The following EYS variants were observed in gnomAD, a reference collection of about 807,000 sequenced individuals.
The protein encoded by EYS is protein eyes shut homolog.
In EYS, 250 loss-of-function variants were observed where a neutral mutation model predicts 282.1. The ratio of observed to expected loss-of-function variants is 0.89; its 90% CI spans 0.80 to 0.98. The LOEUF (loss-of-function observed/expected upper bound fraction) is 0.98, where lower values mean the gene tolerates loss of function less well. Among genes scored for constraint, EYS ranks in the 50% least tolerant of loss-of-function variants. The pLI, the probability that EYS is intolerant of heterozygous loss-of-function variation, is 0.00. For missense variants in EYS, 4,016 were observed against 3,709.0 expected (o/e 1.08, Z -2.15); for synonymous variants, 1,355 against 1,282.9 (o/e 1.06, Z -1.20).
intron 15 of EYS, among the ~76,000 whole-genome samples, chr6:64,915,393 C>A (rs1768127887): frequency 6.6e-6 from 1 of 152,060 alleles, no homozygotes. Flanking sequence ...GTTGACAATA[C>A]TATAAGAATT....
intron 12 of EYS, among the ~76,000 whole-genome samples, chr6:65,181,759 G>A (rs936649561): frequency 1.1e-4 from 16 of 152,028 alleles, no homozygotes; most frequent in African/African-American, 2.9e-4. Context: ...ACATGCACAC[G>A]TATGTTTATT....
intron 35 of EYS, among the ~76,000 whole-genome samples, chr6:63,885,350 T>C (rs569408372): frequency 5.1e-4 from 77 of 152,302 alleles, no homozygotes; most frequent in African/African-American, 1.8e-3. Flanking sequence ...TTTTGGTGTT[T>C]GCTTCATTTT....
At chr6:64,600,972 T>C (rs1043192448) in intron 24 of EYS, among the ~76,000 whole-genome samples, 5 of 152,120 alleles carry the variant, frequency 3.3e-5, no homozygotes, top group African/African-American at 9.7e-5. Context: ...AGAAATCCTA[T>C]TGTGCTGTTA....
intron 12 of EYS, among the ~76,000 whole-genome samples, chr6:65,091,271 T>TAAAAA (rs397887871): frequency 7.1e-5 from 4 of 56,438 alleles, no homozygotes; most frequent in East Asian, 6.1e-4. Context: ...CCATCTCCCC[T>TAAAAA]AAAAAAAAAA....
At chr6:64,125,916 CT>C (rs111945672) in intron 31 of EYS, among the ~76,000 whole-genome samples, 10,357 of 140,502 alleles carry the variant, frequency 0.074, 640 homozygotes, top group African/African-American at 0.18. Context: ...CTATTCTCTT[CT>C]TTTTTTTTTT....
chr6:65,271,975 T>C (rs1379317397), intron 12 of EYS, among the ~76,000 whole-genome samples: 1 of 152,148 alleles, frequency 6.6e-6, no homozygotes. Flanking sequence ...TTTTCAGCAT[T>C]CTTAGTCCTA....
intron 11 of EYS, among the ~76,000 whole-genome samples, chr6:65,302,366 A>C (rs1315111026): frequency 6.6e-6 from 1 of 152,194 alleles, no homozygotes; most frequent in Non-Finnish European, 1.5e-5. Context: ...TGTTGAGAGC[A>C]ATCAGCTAAT....
At chr6:63,968,287 TG>T (rs1766398126) in intron 35 of EYS, among the ~76,000 whole-genome samples, 1 of 152,200 alleles carries the variant, frequency 6.6e-6, no homozygotes, top group African/African-American at 2.4e-5. Flanking sequence ...AAATAAAGGT[TG>T]GTAGCTTACA....
chr6:64,994,439 A>T (rs1771179283), intron 14 of EYS, among the ~76,000 whole-genome samples: 4 of 152,140 alleles, frequency 2.6e-5, no homozygotes. Context: ...GATGCAAGCC[A>T]CATGTCAGTG....
chr6:65,268,814 T>TAAA (rs5876957), intron 12 of EYS, among the ~76,000 whole-genome samples: 1 of 150,842 alleles, frequency 6.6e-6, no homozygotes, highest in East Asian at 1.9e-4. Context: ...AGTTTTTTTT[T>TAAA]AAAAAAAAGA....
intron 14 of EYS, among the ~76,000 whole-genome samples, chr6:64,962,390 A>AGATAGATAAATTG (rs1352751718): frequency 6.6e-6 from 1 of 152,006 alleles, no homozygotes; most frequent in Non-Finnish European, 1.5e-5. Flanking sequence ...TAATTGTATT[A>AGATAGATAAATTG]GATAGATAAA....
At position 64,402,805 on chromosome 6, in the gene EYS, G is replaced by A. The variant is rs186344444; in HGVS notation, c.5928-13965C>T. ...TTTAGGGTACATACTCTTAAGAACC[G>A]TGTAAATAGACCTTCTTTTTCCTTT... On this transcript the variant is annotated intron_variant, in intron 28 of 42. Transcript: ENST00000503581. 5.5e-4 allele frequency among the ~76,000 whole-genome samples: 83 copies of A among 152,220 alleles called. 1 individual carries two copies. Among genetic ancestry groups the A allele is most frequent in the Middle Eastern group, 3.4e-3 (1 of 294 alleles).
intron 31 of EYS, among the ~76,000 whole-genome samples, chr6:64,191,216 G>A (rs1201944810): frequency 6.6e-6 from 1 of 151,418 alleles, no homozygotes; most frequent in African/African-American, 2.4e-5. Context: ...TTTTTAAATT[G>A]TTACACATTT....
intron 12 of EYS, among the ~76,000 whole-genome samples, chr6:65,080,690 G>A (rs1774208408): frequency 1.3e-5 from 2 of 151,982 alleles, no homozygotes; most frequent in South Asian, 4.1e-4. Context: ...ACCAAAATGA[G>A]TGTGGTTTCT....
chr6:64,216,225 C>T (rs1765922925), intron 31 of EYS, among the ~76,000 whole-genome samples: 1 of 151,920 alleles, frequency 6.6e-6, no homozygotes. Context: ...AAGAGAAGAC[C>T]CCAGGTAATC....
At chr6:64,926,001 A>G (rs1170255975) in intron 15 of EYS, among the ~76,000 whole-genome samples, 1 of 152,152 alleles carries the variant, frequency 6.6e-6, no homozygotes, top group Admixed American at 6.5e-5. Flanking sequence ...GGCTCTACAG[A>G]CTAGCAAGTG....
At chr6:65,158,328 A>C (rs1764775673) in intron 12 of EYS, among the ~76,000 whole-genome samples, 1 of 150,912 alleles carries the variant, frequency 6.6e-6, no homozygotes, top group African/African-American at 2.4e-5. Flanking sequence ...CCTTAGTTGG[A>C]CTGAACAATT....
intron 2 of EYS, among the ~76,000 whole-genome samples, chr6:65,548,821 C>G (rs566160803): frequency 3.3e-5 from 5 of 152,144 alleles, no homozygotes; most frequent in African/African-American, 1.2e-4. Flanking sequence ...CTCAAACTTG[C>G]TCAAAGACTA....
chr6:65,196,418 G>A (rs555839514), intron 12 of EYS, among the ~76,000 whole-genome samples: 35 of 151,950 alleles, frequency 2.3e-4, no homozygotes, highest in East Asian at 1.9e-3. Context: ...AATATGCCCC[G>A]TCCCCCTTTG....
Sources: gnomAD v4.1 joint callset for allele counts (sites outside exome capture counted in the v4.1 genomes callset) on GRCh38, gnomAD v4.1.1 for gene constraint, MANE v1.5 for transcripts, NCBI Gene and HGNC (gene_info 2026-07-23, HGNC 2026-07-21) for gene names.